Variants in SLC6A6 observed in about 807,000 individuals in gnomAD.
The protein encoded by SLC6A6 is solute carrier family 6 member 6, also known as sodium- and chloride-dependent taurine transporter.
A neutral mutation model predicts 68.8 loss-of-function variants in SLC6A6; 16 were observed. That is an observed-to-expected ratio of 0.23 (90% CI 0.16 to 0.35). The LOEUF is 0.35. SLC6A6 is among the 10% of genes least tolerant of loss of function. The pLI, the probability that SLC6A6 is intolerant of heterozygous loss-of-function variation, is 1.00. For missense variants in SLC6A6, 474 were observed against 802.8 expected, an observed-to-expected ratio of 0.59 and a Z score of 4.95; for synonymous variants, 312 against 315.4, an observed-to-expected ratio of 0.99 and a Z score of 0.12.
chr3:14,436,531 CTTTTTTTTTTTTTTTT>C (rs58996264), intron 2 of SLC6A6, among the ~76,000 whole-genome samples: 7 of 112,580 alleles, frequency 6.2e-5, no homozygotes, highest in African/African-American at 2.0e-4. Context: ...CAACAACTCC[CTTTTTTTTTTTTTTTT>C]TTTTTTTTTT....
chr3:14,436,001 C>T (rs112857686), intron 2 of SLC6A6, among the ~76,000 whole-genome samples: 5 of 152,338 alleles, frequency 3.3e-5, no homozygotes, highest in African/African-American at 1.2e-4. Flanking sequence ...GGCTTTGGAG[C>T]TCGCCACGCT....
Position 14,461,614 on chromosome 3 carries a change from C to T in SLC6A6, c.732+3532C>T, listed in dbSNP as rs573984256. The stretch of plus-strand genomic sequence containing the variant: ...GCTGGGGCTCTTCGCTGTTGGCCTC[C>T]GGAGCAGCTCTTTTTGCCTGGTTAA... On this transcript the variant is annotated intron_variant, in intron 6 of 14. Coordinates refer to ENST00000622186, the MANE Select transcript of SLC6A6 (RefSeq NM_003043.6). Among the ~76,000 whole-genome samples the T allele has an allele frequency of 1.9e-4, 29 of 152,306 alleles. 1 individual carries two copies. The highest frequency in any genetic ancestry group is 3.9e-4 in the East Asian group (2 of 5,186).
At position 14,421,345 on chromosome 3, in the gene SLC6A6, C is replaced by T. The variant is rs184895630; in HGVS notation, c.-12+4892C>T. 1.0e-3 allele frequency among the ~76,000 whole-genome samples: 159 copies of T among 152,226 alleles called. 1 individual carries two copies. Among genetic ancestry groups the T allele is most frequent in the African/African-American group, 3.7e-3 (154 of 41,530 alleles). On this transcript the variant is annotated intron_variant, in intron 2 of 14. Transcript: ENST00000622186. ...GACCTGAGCTCAGGGGTCCCGTGAG[C>T]CTGAGTGTGAATGTCATTCAGTTTC...
rs1206943474 is a variant in SLC6A6, at chr3:14,472,714, G to T, written c.1209+397G>T. Among the ~76,000 whole-genome samples, 1 of 152,166 alleles carries T rather than the reference G, an allele frequency of 6.6e-6. No individual in the cohort carries two copies. The highest frequency in any genetic ancestry group is 1.5e-5 in the Non-Finnish European group (1 of 68,024). ...TGTGCTCCAGTGGAGCGTCGGCGGG[G>T]CACAGGAGGACATGGCAGATGGGCG... On this transcript the variant is annotated intron_variant, in intron 10 of 14. Transcript: ENST00000622186. This position sits in a 1 kb window ranked among gnomAD's most constrained non-coding sequence, Gnocchi z 4.5.
At chr3:14,408,216 A>G (rs976211965) in intron 1 of SLC6A6, among the ~76,000 whole-genome samples, 1 of 152,256 alleles carries the variant, frequency 6.6e-6, no homozygotes, top group African/African-American at 2.4e-5. Context: ...TATAAAAGTA[A>G]TATACCTCAA....
At chr3:14,419,462 GCC>G (rs1559286845) in intron 2 of SLC6A6, among the ~76,000 whole-genome samples, 1 of 152,200 alleles carries the variant, frequency 6.6e-6, no homozygotes, top group African/African-American at 2.4e-5. Context: ...TAATGGACCA[GCC>G]CAAAAAAGTA....
intron 1 of SLC6A6, among the ~76,000 whole-genome samples, chr3:14,404,025 A>AATC (rs1699048701): frequency 1.3e-5 from 2 of 152,214 alleles, no homozygotes; most frequent in Middle Eastern, 3.2e-3. Context: ...TGGGGAAATA[A>AATC]ATCAGCTCAG....
At chr3:14,458,203 T>C (rs563879351) in intron 6 of SLC6A6, 121 bp downstream of exon 6, 25 of 881,070 alleles carry the variant, frequency 2.8e-5, no homozygotes, top group Non-Finnish European at 4.7e-5. Context: ...GGTGGCGTGC[T>C]GGTAAGCCCG....
chr3:14,439,275 C>T (rs1699929064), intron 2 of SLC6A6, among the ~76,000 whole-genome samples: 1 of 152,228 alleles, frequency 6.6e-6, no homozygotes. Flanking sequence ...AAGTCTCTTC[C>T]ACAATAGGAG....
At chr3:14,440,492 G>A (rs1699957889) in intron 2 of SLC6A6, among the ~76,000 whole-genome samples, 1 of 152,132 alleles carries the variant, frequency 6.6e-6, no homozygotes, top group African/African-American at 2.4e-5. Flanking sequence ...GCATGTGCTG[G>A]GACCTGGTGG....
At chr3:14,454,386 G>C (rs1017821594) in intron 5 of SLC6A6, among the ~76,000 whole-genome samples, 3 of 152,184 alleles carry the variant, frequency 2.0e-5, no homozygotes, top group South Asian at 4.2e-4. Context: ...GCGTTCCCTC[G>C]GCACGACACT....
chr3:14,403,077 AGTGTGTGTGTGTGT>A (rs34547966), intron 1 of SLC6A6, among the ~76,000 whole-genome samples: 2,170 of 143,158 alleles, frequency 0.015, 49 homozygotes, highest in African/African-American at 0.044. Context: ...GCGGCAGGAG[AGTGTGTGTGTGTGT>A]GTGTGTGTGT....
chr3:14,456,985 G>C (rs959051955), intron 5 of SLC6A6, among the ~76,000 whole-genome samples: 1 of 152,226 alleles, frequency 6.6e-6, no homozygotes, highest in Non-Finnish European at 1.5e-5. Context: ...AGCAGTCAGA[G>C]CTCTGGGACC....
At chr3:14,417,605 G>A (rs193096421) in intron 2 of SLC6A6, among the ~76,000 whole-genome samples, 53 of 152,208 alleles carry the variant, frequency 3.5e-4, no homozygotes, top group African/African-American at 1.3e-3. Context: ...GGTGGCGGGC[G>A]CCTGTAGTTC....
chr3:14,461,949 C>T (rs1700505532), intron 6 of SLC6A6, among the ~76,000 whole-genome samples: 2 of 152,250 alleles, frequency 1.3e-5, no homozygotes, highest in African/African-American at 4.8e-5. Flanking sequence ...CTCAGCCACC[C>T]TCTTTTCTAC....
In SLC6A6 at chr3:14,402,883, C is replaced by G. The variant is rs938204518; in HGVS notation, c.-54+36C>G. 4 of 390,978 alleles carry G rather than the reference C, an allele frequency of 1.0e-5. No individual in the cohort carries two copies. Among genetic ancestry groups the G allele is most frequent in the Non-Finnish European group, 1.4e-5 (3 of 221,054 alleles). 24.2% of individuals were successfully genotyped at this position (390,978 alleles called of 1,614,324 possible). A position where few individuals can be genotyped will look rare whatever the true frequency, so the allele number is the denominator to read the frequency against. ...GACCGGGAGCTGGGCGCGCAGCCGG[C>G]GCTGCCCGCCGTCTGCAGCCCCTCC... On this transcript the variant is annotated intron_variant, in intron 1 of 14. Coordinates refer to ENST00000622186, the MANE Select transcript of SLC6A6 (RefSeq NM_003043.6). This position sits in a 1 kb window ranked among gnomAD's most constrained non-coding sequence, Gnocchi z 4.8.
rs115814192 is a variant in SLC6A6 at position 14,459,944 on chromosome 3, C to G, written c.732+1862C>G. 8.8e-3 allele frequency among the ~76,000 whole-genome samples: 1,240 copies of G among 141,514 alleles called. 21 individuals carry two copies. Among genetic ancestry groups the G allele is most frequent in the African/African-American group, 0.031 (1,174 of 38,370 alleles). The allele number at this position is 141,514 out of a possible 152,430, so 92.8% of individuals were successfully genotyped here. ...GTGGGGTCTGGCTCTGTTGCCCAGG[C>G]TGAAATGCAGTGGCTTGATCTCAGC... is the stretch of plus-strand genomic sequence containing the variant. On this transcript the variant is annotated intron_variant, in intron 6 of 14. Coordinates refer to ENST00000622186, the MANE Select transcript of SLC6A6 (RefSeq NM_003043.6).
chr3:14,448,044 C>A lies in SLC6A6; in HGVS notation c.599+228C>A. 4 of 1,262,820 alleles carry A rather than the reference C, an allele frequency of 3.2e-6. No homozygotes were observed. The South Asian group carries it at 4.8e-5, about 15-fold the overall frequency. 78.2% of individuals were successfully genotyped at this position (1,262,820 alleles called of 1,614,324 possible). The stretch of plus-strand genomic sequence containing the variant: ...AGGCAAGCCACTCCTCCTTTCTGAG[C>A]CTCAGTTTCTTTACCTGTAAGATAA... On this transcript the variant is annotated intron_variant, in intron 5 of 14. Transcript: ENST00000622186.
intron 1 of SLC6A6, among the ~76,000 whole-genome samples, chr3:14,407,257 C>G (rs1180884632): frequency 6.6e-6 from 1 of 151,870 alleles, no homozygotes; most frequent in East Asian, 1.9e-4. Context: ...ACCATGTTGC[C>G]TGGGCTGGTC....
Sources: allele counts gnomAD v4.1 joint callset (sites outside exome capture counted in the v4.1 genomes callset), GRCh38; gene constraint gnomAD v4.1.1; non-coding constraint Gnocchi (gnomAD v3.1); transcripts MANE v1.5; gene names NCBI Gene and HGNC (gene_info 2026-07-23, HGNC 2026-07-21).